The following SOX6 variants were observed in gnomAD, a reference collection of about 807,000 sequenced individuals.
The protein encoded by SOX6 is transcription factor SOX-6.
Under a neutral mutation model 97.8 loss-of-function variants are expected in SOX6, and 11 were observed. That is an observed-to-expected ratio of 0.11 (90% CI 0.07 to 0.19). SOX6 has a LOEUF of 0.19. Among genes scored for constraint, SOX6 ranks in the 10% least tolerant of loss-of-function variants. The probability of loss-of-function intolerance (pLI) is 1.00; values close to 1 mark genes in which losing one functional copy is unlikely to be tolerated. For missense variants in SOX6, 810 were observed against 1,039.5 expected (o/e 0.78, Z 3.04); for synonymous variants, 360 against 371.4 (o/e 0.97, Z 0.35).
intron 4 of SOX6, among the ~76,000 whole-genome samples, chr11:16,601,000 G>C (rs1358728594): frequency 1.3e-5 from 2 of 152,010 alleles, no homozygotes; most frequent in Non-Finnish European, 2.9e-5. Flanking sequence ...AAAATATACA[G>C]TCAGGATGAA....
intron 4 of SOX6, among the ~76,000 whole-genome samples, chr11:16,487,456 G>A (rs1860455480): frequency 6.6e-6 from 1 of 152,164 alleles, no homozygotes; most frequent in South Asian, 2.1e-4. Context: ...GCCATAGTTA[G>A]AAGAGTCTTG....
At chr11:16,400,820 C>G (rs1408436282) in intron 1 of SOX6, among the ~76,000 whole-genome samples, 2 of 151,298 alleles carry the variant, frequency 1.3e-5, no homozygotes, top group African/African-American at 2.4e-5. Context: ...CAGAATATTA[C>G]TAGGAAGTAA....
chr11:16,432,295 G>C (rs995540388), intron 1 of SOX6, among the ~76,000 whole-genome samples: 1 of 152,044 alleles, frequency 6.6e-6, no homozygotes, highest in Non-Finnish European at 1.5e-5. Flanking sequence ...AGCTCTTTAA[G>C]AAAGTTCAGA....
intron 4 of SOX6, among the ~76,000 whole-genome samples, chr11:16,582,584 T>A (rs925855725): frequency 3.3e-5 from 5 of 151,064 alleles, no homozygotes; most frequent in African/African-American, 1.2e-4. Flanking sequence ...ATATGTAAAA[T>A]GACAGAATTA....
At chr11:16,154,061 T>G (rs1022447890) in intron 6 of SOX6, among the ~76,000 whole-genome samples, 2 of 152,140 alleles carry the variant, frequency 1.3e-5, no homozygotes. Flanking sequence ...CAAATCACAT[T>G]CCTGTCTTCA....
At chr11:16,253,914 G>A (rs955543347) in intron 3 of SOX6, among the ~76,000 whole-genome samples, 2 of 151,786 alleles carry the variant, frequency 1.3e-5, no homozygotes, top group African/African-American at 4.8e-5. Context: ...ATACACCTAG[G>A]CACATCATAT....
intron 3 of SOX6, among the ~76,000 whole-genome samples, chr11:16,681,388 G>A (rs1231556056): frequency 2.0e-5 from 3 of 152,126 alleles, no homozygotes; most frequent in Non-Finnish European, 4.4e-5. Context: ...GAAGACAGAA[G>A]TAAAGATGTT....
intron 7 of SOX6, among the ~76,000 whole-genome samples, chr11:16,098,690 T>C (rs142169682): frequency 3.1e-4 from 47 of 151,990 alleles, no homozygotes; most frequent in Admixed American, 9.2e-4. Context: ...TTATGTAATA[T>C]CTCTAGGCTA....
intron 4 of SOX6, among the ~76,000 whole-genome samples, chr11:16,554,255 T>C (rs1212138257): frequency 6.6e-6 from 1 of 152,108 alleles, no homozygotes. Flanking sequence ...AGTTATACCA[T>C]GTTCATGCTC....
intron 14 of SOX6, among the ~76,000 whole-genome samples, chr11:15,987,443 G>A (rs1474683847): frequency 6.6e-6 from 1 of 152,116 alleles, no homozygotes; most frequent in African/African-American, 2.4e-5. Context: ...CCCAATTAAC[G>A]AAGAATTCTT....
At chr11:16,030,155 G>C (rs1855328143) in intron 12 of SOX6, among the ~76,000 whole-genome samples, 1 of 152,178 alleles carries the variant, frequency 6.6e-6, no homozygotes, top group Non-Finnish European at 1.5e-5. Context: ...GTGACATGAA[G>C]GGGTGGATTA....
intron 3 of SOX6, among the ~76,000 whole-genome samples, chr11:16,242,635 TA>T (rs903679446): frequency 4.8e-5 from 7 of 146,452 alleles, no homozygotes; most frequent in Admixed American, 2.0e-4. Flanking sequence ...TGAGGCTCAT[TA>T]AAAAAAAACA....
At chr11:16,671,320 G>A (rs1175513305) in intron 3 of SOX6, among the ~76,000 whole-genome samples, 1 of 152,136 alleles carries the variant, frequency 6.6e-6, no homozygotes, top group Non-Finnish European at 1.5e-5. Context: ...GGCAGAAATA[G>A]AATTCAGAAT....
At chr11:16,389,321 G>A (rs1858087952) in intron 1 of SOX6, among the ~76,000 whole-genome samples, 1 of 152,122 alleles carries the variant, frequency 6.6e-6, no homozygotes, top group South Asian at 2.1e-4. Flanking sequence ...GTCTCAAGCA[G>A]TCCTCCTGCC....
chr11:15,976,018 G>T (rs955086532), intron 15 of SOX6, among the ~76,000 whole-genome samples: 2 of 152,170 alleles, frequency 1.3e-5, no homozygotes, highest in African/African-American at 2.4e-5. Context: ...AGTCCTGGGA[G>T]TGGAGAGATA....
intron 4 of SOX6, among the ~76,000 whole-genome samples, chr11:16,568,528 CTG>C (rs772596990): frequency 1.9e-4 from 29 of 152,090 alleles, no homozygotes; most frequent in Admixed American, 7.9e-4. Context: ...TTGCATAACA[CTG>C]TGAATGTACT....
chr11:16,531,123 C>A (rs1590235137), intron 4 of SOX6, among the ~76,000 whole-genome samples: 1 of 149,970 alleles, frequency 6.7e-6, no homozygotes, highest in East Asian at 2.0e-4. Flanking sequence ...GCAATAAGGA[C>A]ACACCAAGGG....
At chr11:16,400,442 T>C (rs1858523867) in intron 1 of SOX6, among the ~76,000 whole-genome samples, 1 of 151,468 alleles carries the variant, frequency 6.6e-6, no homozygotes, top group East Asian at 1.9e-4. Flanking sequence ...TTTTTACCAC[T>C]TTAATAATAA....
intron 1 of SOX6, among the ~76,000 whole-genome samples, chr11:16,451,512 T>C (rs1343866792): frequency 1.3e-5 from 2 of 152,160 alleles, no homozygotes; most frequent in Admixed American, 1.3e-4. Context: ...TGGAGTAATG[T>C]GTACATGTTA....
Sources: allele counts gnomAD v4.1 joint callset (sites outside exome capture counted in the v4.1 genomes callset), GRCh38; gene constraint gnomAD v4.1.1; transcripts MANE v1.5; gene names NCBI Gene and HGNC (gene_info 2026-07-23, HGNC 2026-07-21).